Variants in SCN7A observed in about 807,000 individuals in gnomAD.
The protein encoded by SCN7A is sodium channel protein type 7 subunit alpha.
A neutral mutation model predicts 155.2 loss-of-function variants in SCN7A; 138 were observed. That is an observed-to-expected ratio of 0.89 (90% CI 0.77 to 1.02). The LOEUF is 1.02. Ranked by LOEUF, SCN7A falls within the 50% of genes least tolerant of loss-of-function variation. SCN7A has a pLI of 0.00. For synonymous variants in SCN7A, 693 were observed against 649.0 expected, an observed-to-expected ratio of 1.07 and a Z score of -1.03; for missense variants, 2,058 against 1,986.6, an observed-to-expected ratio of 1.04 and a Z score of -0.68.
At position 166,444,941 on chromosome 2, in the gene SCN7A, A is replaced by T. The variant is rs1217636127; in HGVS notation, c.1447T>A (p.Leu483Met). The T allele has an allele frequency of 6.2e-7, 1 of 1,613,558 alleles. No homozygotes were observed. The highest frequency in any genetic ancestry group is 2.2e-5 in the East Asian group (1 of 44,856). The change falls in exon 13 of 26, where the codon TTG (leucine) becomes ATG (methionine). Residue 483 changes from leucine (L) to methionine (M), a missense_variant. By Grantham distance (15) the Leu-to-Met change is conservative. Transcript: ENST00000643258. ...CAACAGGGAGAACAATTCCAGATCA[A>T]GAAAGTTTTAGCAAACTTATACCAG... ...LYWYKFAKTF[L>M]IWNCSPCWLK...
intron 11 of SCN7A, among the ~76,000 whole-genome samples, chr2:166,451,493 C>A (rs1352269735): frequency 6.6e-6 from 1 of 152,106 alleles, no homozygotes; most frequent in East Asian, 1.9e-4. Context: ...GGCTAGGATT[C>A]TTTTTCTCAA....
chr2:166,441,329 C>G, intron 15 of SCN7A, 67 bp downstream of exon 15: 1 of 1,117,288 alleles, frequency 9.0e-7, no homozygotes. Flanking sequence ...CATCAATGCA[C>G]ATCATGAAAA....
intron 2 of SCN7A, among the ~76,000 whole-genome samples, chr2:166,486,090 T>C (rs1703039589): frequency 6.6e-6 from 1 of 152,182 alleles, no homozygotes; most frequent in Non-Finnish European, 1.5e-5. Flanking sequence ...CAAGACCTGA[T>C]CTCTCAACCT....
chr2:166,474,157 T>C (rs898692888), intron 4 of SCN7A, 69 bp downstream of exon 4: 20 of 677,718 alleles, frequency 3.0e-5, no homozygotes, highest in African/African-American at 1.1e-4. Flanking sequence ...GCAGAAATAA[T>C]TGAATAATAG....
Position 166,456,940 on chromosome 2 carries a change from A to T in SCN7A, c.1220T>A (p.Ile407Lys), listed in dbSNP as rs765396279. The T allele has an allele frequency of 6.3e-7, 1 of 1,579,762 alleles. No homozygotes were observed. Among genetic ancestry groups the T allele is most frequent in the Non-Finnish European group, 8.6e-7 (1 of 1,161,978 alleles). ...AAATTTTGGTTCAATCTTCTTAGAT[A>T]TTTCACCAACTCTCTGCTTTTCTTC... ...YEEEKQRVGE[I>K]SKKIEPKFQQ... Residue 407 changes from isoleucine (I) to lysine (K), a missense_variant, in exon 11 of 26, where the codon ATA (isoleucine) becomes AAA (lysine). Physicochemically the swap from Ile to Lys is moderately radical, Grantham distance 102 (BLOSUM62 -3). Coordinates refer to ENST00000643258, the MANE Select transcript of SCN7A (RefSeq NM_002976.4).
In SCN7A at chr2:166,465,900, A is replaced by C. The variant is rs1417628212; in HGVS notation, c.752T>G (p.Phe251Cys). 1.9e-6 allele frequency: 3 copies of C among 1,613,916 alleles called. No homozygotes were observed. In the South Asian group the frequency reaches 3.3e-5, roughly 18 times the overall value. Residue 251 changes from phenylalanine (F) to cysteine (C), a missense_variant, in exon 8 of 26, where the codon TTT becomes TGT. Coordinates refer to ENST00000643258, the MANE Select transcript of SCN7A (RefSeq NM_002976.4). The stretch of plus-strand genomic sequence containing the variant: ...GAAGAGCCCCATCCCAATTAGAGAA[A>C]ATATGCTCAGAAAAAACAGAGTTAG... ...IILTLFFLSI[F>C]SLIGMGLFMG...
chr2:166,478,983 T>C (rs1198141621), intron 2 of SCN7A, among the ~76,000 whole-genome samples: 3 of 152,106 alleles, frequency 2.0e-5, no homozygotes, highest in Non-Finnish European at 4.4e-5. Flanking sequence ...ATGATTCTAT[T>C]CAATGTCAAA....
intron 13 of SCN7A, among the ~76,000 whole-genome samples, chr2:166,444,237 C>T (rs1202898490): frequency 2.6e-5 from 4 of 152,132 alleles, no homozygotes; most frequent in African/African-American, 9.7e-5. Flanking sequence ...TTTAAACTCA[C>T]AGGAATATGT....
At chr2:166,458,815 C>T (rs977572245) in intron 10 of SCN7A, among the ~76,000 whole-genome samples, 8 of 152,138 alleles carry the variant, frequency 5.3e-5, no homozygotes, top group African/African-American at 1.7e-4. Context: ...TGTAAGCACA[C>T]TCTATGATGT....
intron 4 of SCN7A, 109 bp downstream of exon 4, chr2:166,474,117 T>C: frequency 1.8e-6 from 1 of 562,064 alleles, no homozygotes; most frequent in East Asian, 3.0e-5. Context: ...TGACCCAACA[T>C]GAGATATAAA....
chr2:166,442,382 T>G (rs1366770358), intron 14 of SCN7A, among the ~76,000 whole-genome samples: 1 of 152,114 alleles, frequency 6.6e-6, no homozygotes, highest in Non-Finnish European at 1.5e-5. Flanking sequence ...TCCTGACACT[T>G]TCTTTTCAAT....
chr2:166,416,678 T>C (rs774580040), intron 21 of SCN7A, 29 bp downstream of exon 21: 2 of 1,545,458 alleles, frequency 1.3e-6, no homozygotes, highest in Non-Finnish European at 1.7e-6. Context: ...AATATATAAT[T>C]AATAAGGAAA....
At chr2:166,465,117 G>A (rs1642166746) in intron 9 of SCN7A, among the ~76,000 whole-genome samples, 1 of 152,148 alleles carries the variant, frequency 6.6e-6, no homozygotes, top group Admixed American at 6.5e-5. Context: ...GAAAAGGCCT[G>A]AGAGAAACCT....
At chr2:166,486,355 A>C (rs1703048700) in intron 2 of SCN7A, among the ~76,000 whole-genome samples, 1 of 152,146 alleles carries the variant, frequency 6.6e-6, no homozygotes, top group African/African-American at 2.4e-5. Context: ...CCCTAGCACC[A>C]AGTCTGGCTC....
In SCN7A at chr2:166,461,073, T is replaced by A. The variant is rs1166205773; in HGVS notation, c.1083+1316A>T. 4.5e-5 allele frequency among the ~76,000 whole-genome samples: 5 copies of A among 111,366 alleles called. 1 individual carries two copies. The highest frequency in any genetic ancestry group is 4.9e-4 in the East Asian group (2 of 4,098). The allele number at this position is 111,366 out of a possible 152,430, so 73.1% of individuals were successfully genotyped here. Reference sequence around the variant, plus strand: ...CTTTTTTTTTTTTTTTTTTTTTTTTTACCAAAAATACAATTATGCTGCATG... The same window carrying A: ...CTTTTTTTTTTTTTTTTTTTTTTTTAACCAAAAATACAATTATGCTGCATG... On this transcript the variant is annotated intron_variant, in intron 10 of 25. Transcript: ENST00000643258.
chr2:166,470,764 T>C, intron 6 of SCN7A, 58 bp from the exon 7 acceptor site: 1 of 1,423,434 alleles, frequency 7.0e-7, no homozygotes, highest in Non-Finnish European at 9.4e-7. Context: ...TACTTATTCT[T>C]GGCTTTTTAT....
chr2:166,432,485 C>T lies in SCN7A; in HGVS notation c.2425G>A (p.Glu809Lys), dbSNP rs1448558691. The T allele has an allele frequency of 1.9e-6, 3 of 1,613,528 alleles. No individual in the cohort carries two copies. The Admixed American group carries it at 5.0e-5, about 27-fold the overall frequency. ...SNTQDFLKDK[E>K]KSSGTEKNAT... ...TTTTTCTCTGTGCCACTGCTTTTTTCCTTATCTTTGAGAAAATCTTGGGTG... is the reference window on the plus strand; with the variant it reads ...TTTTTCTCTGTGCCACTGCTTTTTTTCTTATCTTTGAGAAAATCTTGGGTG... Residue 809 changes from glutamate (E) to lysine (K), a missense_variant, in exon 16 of 26, where the codon GAA becomes AAA. By Grantham distance (56) the Glu-to-Lys change is moderately conservative (BLOSUM62 1). Transcript: ENST00000643258.
intron 9 of SCN7A, among the ~76,000 whole-genome samples, chr2:166,464,149 C>T (rs1702474646): frequency 6.9e-6 from 1 of 145,342 alleles, no homozygotes. Context: ...AATATATACA[C>T]ATATATATAC....
At chr2:166,432,235 T>C (rs931447842) in intron 16 of SCN7A, 83 bp downstream of exon 16, 1 of 1,040,366 alleles carries the variant, frequency 9.6e-7, no homozygotes. Context: ...ATAATCTGGC[T>C]GTGGAACTTC....
Sources: gnomAD v4.1 joint callset for allele counts (sites outside exome capture counted in the v4.1 genomes callset) on GRCh38, gnomAD v4.1.1 for gene constraint, MANE v1.5 for transcripts, NCBI Gene and HGNC (gene_info 2026-07-23, HGNC 2026-07-21) for gene names.